Variants in C8orf74 observed in about 807,000 individuals in gnomAD.
The protein encoded by C8orf74 is uncharacterized protein C8orf74.
C8orf74 carries 29 observed loss-of-function variants against 22.2 expected under a neutral mutation model. The ratio of observed to expected loss-of-function variants is 1.31; its 90% CI spans 0.97 to 1.78. C8orf74 has a LOEUF of 1.78. Among genes scored for constraint, C8orf74 ranks in the 40% most tolerant of loss-of-function variants. The pLI, the probability that C8orf74 is intolerant of heterozygous loss-of-function variation, is 0.00. For synonymous variants in C8orf74, 255 were observed against 163.1 expected, an observed-to-expected ratio of 1.56 and a Z score of -4.30; for missense variants, 515 against 369.9, an observed-to-expected ratio of 1.39 and a Z score of -3.22.
chr8:10,687,570 C>T (rs906994996), intron 2 of C8orf74, among the ~76,000 whole-genome samples: 1 of 143,802 alleles, frequency 7.0e-6, no homozygotes, highest in Non-Finnish European at 1.5e-5. Flanking sequence ...TGAGTAAGAT[C>T]GCTCCACTGC....
rs564403300 is a variant in C8orf74 at position 10,682,006 on chromosome 8, C to G, written c.241+7168C>G. Among the ~76,000 whole-genome samples the G allele has an allele frequency of 2.8e-4, 43 of 152,384 alleles. 1 individual carries two copies. Among genetic ancestry groups the G allele is most frequent in the African/African-American group, 9.1e-4 (38 of 41,600 alleles). On this transcript the variant is annotated intron_variant, in intron 2 of 3. Coordinates refer to ENST00000304519, the MANE Select transcript of C8orf74 (RefSeq NM_001040032.2). Reference sequence around the variant, plus strand: ...TGACTCTTCCAAGCTCCTGGCATGACAGTTCTTGTGGGGACACTCATGGCC... The same window carrying G: ...TGACTCTTCCAAGCTCCTGGCATGAGAGTTCTTGTGGGGACACTCATGGCC...
chr8:10,696,185 C>T lies in C8orf74; in HGVS notation c.242-1414C>T, dbSNP rs1183726122. On this transcript the variant is annotated intron_variant, in intron 2 of 3. Coordinates refer to ENST00000304519, the MANE Select transcript of C8orf74 (RefSeq NM_001040032.2). ...CCAAGCAGATGATGGGAGAGCCCTG[C>T]CTCTGACCACTGTGCTGAGCACCTG... Among the ~76,000 whole-genome samples the T allele has an allele frequency of 2.0e-5, 3 of 152,004 alleles. No homozygotes were observed. In the East Asian group the frequency reaches 5.9e-4, roughly 30 times the overall value.
At chr8:10,680,028 T>A (rs1485364419) in intron 2 of C8orf74, 2 of 152,454 alleles carry the variant, frequency 1.3e-5, no homozygotes, top group Non-Finnish European at 2.9e-5. Flanking sequence ...GCGATGCATA[T>A]GGCACAGAAT....
intron 2 of C8orf74, among the ~76,000 whole-genome samples, chr8:10,696,786 T>A (rs905293849): frequency 6.6e-6 from 1 of 152,120 alleles, no homozygotes; most frequent in African/African-American, 2.4e-5. Context: ...CTTTTCTACA[T>A]TCTCATCTCC....
chr8:10,686,288 G>C (rs1799261323), intron 2 of C8orf74, among the ~76,000 whole-genome samples: 1 of 152,122 alleles, frequency 6.6e-6, no homozygotes, highest in African/African-American at 2.4e-5. Flanking sequence ...AATAGCAGTA[G>C]GCAAGCCACA....
chr8:10,673,749 C>G (rs1032396398), intron 1 of C8orf74: 2 of 153,698 alleles, frequency 1.3e-5, no homozygotes, highest in Non-Finnish European at 1.5e-5. Context: ...CAGCTCTTCC[C>G]AGGGGTACCC....
chr8:10,676,079 A>AGG lies in C8orf74; in HGVS notation c.241+1243_241+1244dup, dbSNP rs59777004. Among the ~76,000 whole-genome samples, 1,007 of 152,288 alleles carry AGG rather than the reference A, an allele frequency of 6.6e-3. 7 individuals carry two copies. The highest frequency in any genetic ancestry group is 0.02 in the Middle Eastern group (6 of 294). ...GAAAGGATGCTTCGGTGGGGTGTGT[A>AGG]GGGTGGGGCACTTCTTTTAAGTGGA... On this transcript the variant is annotated intron_variant, in intron 2 of 3. Coordinates refer to ENST00000304519, the MANE Select transcript of C8orf74 (RefSeq NM_001040032.2).
chr8:10,699,558 G>C (rs556008863), intron 3 of C8orf74, among the ~76,000 whole-genome samples: 1 of 152,238 alleles, frequency 6.6e-6, no homozygotes, highest in Admixed American at 6.5e-5. Flanking sequence ...GAGAAACACA[G>C]TTACGTGGTC....
chr8:10,676,810 C>T (rs1799041740), intron 2 of C8orf74, among the ~76,000 whole-genome samples: 1 of 152,148 alleles, frequency 6.6e-6, no homozygotes, highest in Admixed American at 6.5e-5. Context: ...AGAGTTCAAT[C>T]CCGGTGTCTG....
intron 2 of C8orf74, among the ~76,000 whole-genome samples, chr8:10,681,542 G>A (rs1028007813): frequency 6.6e-6 from 1 of 152,088 alleles, no homozygotes; most frequent in Non-Finnish European, 1.5e-5. Context: ...CAGGAGGCAG[G>A]GAAGGTGGGG....
At chr8:10,684,261 C>A (rs987251997) in intron 2 of C8orf74, among the ~76,000 whole-genome samples, 3 of 152,200 alleles carry the variant, frequency 2.0e-5, no homozygotes, top group Non-Finnish European at 4.4e-5. Flanking sequence ...CCAGTACTAA[C>A]CTTGAGACTT....
At chr8:10,672,910 T>C (rs1024269518) in intron 1 of C8orf74, among the ~76,000 whole-genome samples, 197 bp downstream of exon 1, 2 of 152,046 alleles carry the variant, frequency 1.3e-5, no homozygotes, top group African/African-American at 2.4e-5. Flanking sequence ...TTGTGGGCTG[T>C]TTTTCAAGCC....
chr8:10,694,654 T>G (rs553063925), intron 2 of C8orf74, among the ~76,000 whole-genome samples: 1 of 152,148 alleles, frequency 6.6e-6, no homozygotes, highest in African/African-American at 2.4e-5. Context: ...GCTACCTGCT[T>G]AGGAATCAAA....
At chr8:10,681,792 G>C (rs1799156670) in intron 2 of C8orf74, among the ~76,000 whole-genome samples, 1 of 152,254 alleles carries the variant, frequency 6.6e-6, no homozygotes, top group Admixed American at 6.5e-5. Flanking sequence ...GGCCTGGCAG[G>C]AGGCGGGACT....
At chr8:10,689,764 T>C (rs919578095) in intron 2 of C8orf74, 2 of 152,166 alleles carry the variant, frequency 1.3e-5, no homozygotes, top group African/African-American at 2.4e-5. Flanking sequence ...AAGAAAGTAT[T>C]AAGAAAAACA....
chr8:10,684,953 A>G (rs1453283577), intron 2 of C8orf74, among the ~76,000 whole-genome samples: 3 of 152,200 alleles, frequency 2.0e-5, no homozygotes, highest in Non-Finnish European at 4.4e-5. Context: ...TAAGTGACCA[A>G]TGGGAGGGTA....
At chr8:10,681,561 C>G (rs1453763766) in intron 2 of C8orf74, among the ~76,000 whole-genome samples, 1 of 152,148 alleles carries the variant, frequency 6.6e-6, no homozygotes, top group East Asian at 1.9e-4. Flanking sequence ...GGACAGCCTC[C>G]CCTGCTTCAG....
At chr8:10,678,504 G>A (rs1021292542) in intron 2 of C8orf74, among the ~76,000 whole-genome samples, 1 of 152,210 alleles carries the variant, frequency 6.6e-6, no homozygotes. Context: ...CACGTGCCAG[G>A]GCCCTTTCTC....
In C8orf74 at chr8:10,700,377, CT is replaced by C. The variant is rs767669364; in HGVS notation, c.792del (p.Ile265SerfsTer15). 1 of 1,605,678 alleles carries C rather than the reference CT, an allele frequency of 6.2e-7. No individual in the cohort carries two copies. The highest frequency in any genetic ancestry group is 1.1e-5 in the South Asian group (1 of 90,894). On this transcript the variant is annotated frameshift_variant, in exon 4 of 4. Transcript: ENST00000304519. LOFTEE classifies it low-confidence loss of function (END_TRUNC). The part of the protein sequence containing the change: ...KKTLNLNAPT[P>X]IPPPITSHAG... ...ACTCTGAACCTCAACGCCCCCACCC[CT>C]ATCCCGCCCCCCATCACCAGCCACG...
Sources: allele counts gnomAD v4.1 joint callset (sites outside exome capture counted in the v4.1 genomes callset), GRCh38; gene constraint gnomAD v4.1.1; transcripts MANE v1.5; gene names NCBI Gene and HGNC (gene_info 2026-07-23, HGNC 2026-07-21).